GDA: variants seen among roughly 807,000 people sequenced by gnomAD.
GDA encodes guanine deaminase.
In GDA, 18 loss-of-function variants were observed where a neutral mutation model predicts 59.6. That is an observed-to-expected ratio of 0.30 (90% CI 0.21 to 0.45). The LOEUF (loss-of-function observed/expected upper bound fraction) is 0.45, where lower values mean the gene tolerates loss of function less well. Ranked by LOEUF, GDA falls within the 20% of genes least tolerant of loss-of-function variation. The pLI, the probability that GDA is intolerant of heterozygous loss-of-function variation, is 1.00. For synonymous variants in GDA, 201 were observed against 201.1 expected (o/e 1.00, Z 0.00); for missense variants, 427 against 552.3 (o/e 0.77, Z 2.27).
chr9:72,225,705 T>C lies in GDA; in HGVS notation c.743T>C (p.Val248Ala), dbSNP rs1432124465. ...QSHISENRDE[V>A]EAVKNLYPSY... ...CATATAAGTGAAAATCGTGATGAAG[T>C]TGAAGCTGTGAAAAACTTATACCCC... Residue 248 changes from valine to alanine, a missense_variant, in exon 8 of 14, where the codon GTT (valine) becomes GCT (alanine). By Grantham distance (64) the Val-to-Ala change is moderately conservative. Coordinates refer to ENST00000358399, the MANE Select transcript of GDA (RefSeq NM_004293.5). 5.9e-6 allele frequency: 9 copies of C among 1,535,554 alleles called. No homozygotes were observed. The highest frequency in any genetic ancestry group is 1.4e-5 in the African/African-American group (1 of 72,970).
At chr9:72,118,011 G>A (rs1211498917) in intron 1 of GDA, among the ~76,000 whole-genome samples, 5 of 152,010 alleles carry the variant, frequency 3.3e-5, no homozygotes, top group Non-Finnish European at 5.9e-5. Flanking sequence ...GGTGGCTCAC[G>A]CCTGTAATCC....
intron 1 of GDA, among the ~76,000 whole-genome samples, chr9:72,182,271 C>G (rs1207099341): frequency 6.6e-6 from 1 of 152,228 alleles, no homozygotes; most frequent in Non-Finnish European, 1.5e-5. Flanking sequence ...AGAATCCACT[C>G]CAGAACCACA....
At chr9:72,218,396 T>C (rs536626225) in intron 5 of GDA, among the ~76,000 whole-genome samples, 2 of 152,320 alleles carry the variant, frequency 1.3e-5, no homozygotes, top group South Asian at 4.1e-4. Flanking sequence ...GCTGCTTACA[T>C]GCTCACAGAG....
At chr9:72,153,297 C>G (rs934061504) in intron 1 of GDA, among the ~76,000 whole-genome samples, 1 of 151,990 alleles carries the variant, frequency 6.6e-6, no homozygotes, top group Admixed American at 6.6e-5. Context: ...TCCATATGAA[C>G]TTTAAAGTAG....
chr9:72,165,529 T>C (rs1829188340), intron 1 of GDA, among the ~76,000 whole-genome samples: 1 of 152,188 alleles, frequency 6.6e-6, no homozygotes, highest in African/African-American at 2.4e-5. Context: ...GCAGATGTTT[T>C]CTCTGTTTAA....
chr9:72,143,093 G>A (rs1826499500), intron 1 of GDA, among the ~76,000 whole-genome samples: 2 of 149,200 alleles, frequency 1.3e-5, no homozygotes, highest in African/African-American at 2.5e-5. Flanking sequence ...ATCCATGTTG[G>A]AGCATAAATG....
At chr9:72,189,180 T>C (rs1368882755) in intron 1 of GDA, among the ~76,000 whole-genome samples, 1 of 106,030 alleles carries the variant, frequency 9.4e-6, no homozygotes, top group Non-Finnish European at 2.1e-5. Flanking sequence ...TTTTTTTTTT[T>C]TTTTTTTTTT....
At chr9:72,159,011 A>G (rs1828281811) in intron 1 of GDA, among the ~76,000 whole-genome samples, 1 of 152,176 alleles carries the variant, frequency 6.6e-6, no homozygotes, top group Admixed American at 6.5e-5. Flanking sequence ...TCTGATGTCC[A>G]AGGTCCGTGC....
chr9:72,199,619 G>A lies in GDA; in HGVS notation c.213-2952G>A, dbSNP rs377142213. 1.8e-4 allele frequency among the ~76,000 whole-genome samples: 27 copies of A among 152,284 alleles called. No homozygotes were observed. The South Asian group carries it at 5.6e-3, about 32-fold the overall frequency. ...TCAAACACTCTCTTTTTAGCACTTAGTGCAGTAACAAAAACATTCTAGAGA... is the reference window on the plus strand; with the variant it reads ...TCAAACACTCTCTTTTTAGCACTTAATGCAGTAACAAAAACATTCTAGAGA... On this transcript the variant is annotated intron_variant, in intron 2 of 13. Coordinates refer to ENST00000358399, the MANE Select transcript of GDA (RefSeq NM_004293.5).
downstream of GDA, among the ~76,000 whole-genome samples, chr9:72,259,362 C>T (rs73650317): frequency 5.6e-3 from 857 of 152,248 alleles, 16 homozygotes; most frequent in African/African-American, 0.019. Flanking sequence ...AATCAGAGAG[C>T]GCTGTCTTTC....
chr9:72,157,935 C>T (rs964491984), intron 1 of GDA, among the ~76,000 whole-genome samples: 4 of 152,182 alleles, frequency 2.6e-5, no homozygotes, highest in African/African-American at 9.7e-5. Context: ...CCCTGTTTTC[C>T]AGCACATCAT....
intron 1 of GDA, among the ~76,000 whole-genome samples, chr9:72,184,966 G>A (rs1319090922): frequency 6.6e-6 from 1 of 151,926 alleles, no homozygotes; most frequent in Non-Finnish European, 1.5e-5. Context: ...AGCTAAGTAT[G>A]GTTTTAAAAT....
intron 3 of GDA, among the ~76,000 whole-genome samples, chr9:72,207,113 G>C (rs11143169): frequency 0.2 from 31,046 of 151,774 alleles, 3,769 homozygotes; most frequent in East Asian, 0.52. Context: ...AATTGTAATT[G>C]TTGATCATCC....
At chr9:72,147,232 C>T (rs207470251), upstream of GDA, among the ~76,000 whole-genome samples, 11 of 151,878 alleles carry the variant, frequency 7.2e-5, no homozygotes, top group African/African-American at 2.4e-4. Flanking sequence ...TTTTTGAGAC[C>T]GAGTCTTGGT....
chr9:72,195,907 A>G (rs757271930), intron 2 of GDA, among the ~76,000 whole-genome samples: 1 of 152,180 alleles, frequency 6.6e-6, no homozygotes, highest in Non-Finnish European at 1.5e-5. Flanking sequence ...TTTACAGTCC[A>G]TGGAGGACAA....
Position 72,176,651 on chromosome 9 carries a change from T to A in GDA, c.124-18849T>A, listed in dbSNP as rs554550260. Among the ~76,000 whole-genome samples, 8 of 152,270 alleles carry A rather than the reference T, an allele frequency of 5.3e-5. No homozygotes were observed. The South Asian group carries it at 1.0e-3, about 20-fold the overall frequency. On this transcript the variant is annotated intron_variant, in intron 1 of 13. Transcript: ENST00000358399. ...GTCAGTGAATTCCACTTATATCCAG[T>A]GTTAATTGTTAGAAGCTTTTTCTGT...
chr9:72,245,989 G>A (rs1215523115), intron 12 of GDA, among the ~76,000 whole-genome samples: 1 of 152,048 alleles, frequency 6.6e-6, no homozygotes, highest in Non-Finnish European at 1.5e-5. Context: ...TAATAAATAT[G>A]TTAAAGATTT....
intron 6 of GDA, among the ~76,000 whole-genome samples, chr9:72,222,075 T>C (rs10781088): frequency 0.48 from 72,592 of 152,032 alleles, 17,430 homozygotes; most frequent in Middle Eastern, 0.56. Flanking sequence ...GTATATACCC[T>C]GTAATGGGAT....
intron 1 of GDA, among the ~76,000 whole-genome samples, chr9:72,171,064 G>T (rs57904249): frequency 6.6e-6 from 1 of 151,850 alleles, no homozygotes; most frequent in Non-Finnish European, 1.5e-5. Flanking sequence ...CAGTCCTCCC[G>T]CTTCAGCCTC....
Sources: gnomAD v4.1 joint callset for allele counts (sites outside exome capture counted in the v4.1 genomes callset) on GRCh38, gnomAD v4.1.1 for gene constraint, MANE v1.5 for transcripts, NCBI Gene and HGNC (gene_info 2026-07-23, HGNC 2026-07-21) for gene names.